MAP3K4: variants seen among roughly 807,000 people sequenced by gnomAD.
MAP3K4 encodes mitogen-activated protein kinase kinase kinase 4, also known as MAP three kinase 1.
In MAP3K4, 67 loss-of-function variants were observed where a neutral mutation model predicts 185.6. That is an observed-to-expected ratio of 0.36 (90% confidence interval 0.30 to 0.44). The LOEUF (loss-of-function observed/expected upper bound fraction) is 0.44. MAP3K4 is among the 20% of genes least tolerant of loss of function. The probability of loss-of-function intolerance (pLI) is 1.00; values close to 1 mark genes in which losing one functional copy is unlikely to be tolerated. For synonymous variants in MAP3K4, 702 were observed against 710.4 expected (o/e 0.99, Z 0.19); for missense variants, 1,551 against 1,995.1 (o/e 0.78, Z 4.24).
intron 7 of MAP3K4, among the ~76,000 whole-genome samples, chr6:161,085,008 G>A (rs544900135): frequency 5.9e-5 from 9 of 152,216 alleles, no homozygotes; most frequent in Non-Finnish European, 8.8e-5. Flanking sequence ...ACAGCTGGGC[G>A]TGGTGGCACG....
rs901027448 is a variant in MAP3K4, at chr6:161,051,119, A to G, written c.1707+1140A>G. 6.6e-5 allele frequency among the ~76,000 whole-genome samples: 10 copies of G among 152,376 alleles called. No homozygotes were observed. The East Asian group carries it at 1.2e-3, about 18-fold the overall frequency. On this transcript the variant is annotated intron_variant, in intron 3 of 26. Transcript: ENST00000392142. This position sits in a 1 kb window ranked among gnomAD's most constrained non-coding sequence, Gnocchi z 4.2. ...ATAATGGCAAGAAAAAAGTTTGTACATGTTTAATACAGATGTAGTTTTTCT... is the reference window on the plus strand; with the variant it reads ...ATAATGGCAAGAAAAAAGTTTGTACGTGTTTAATACAGATGTAGTTTTTCT...
At chr6:161,069,764 G>T (rs1784856295) in intron 3 of MAP3K4, among the ~76,000 whole-genome samples, 1 of 152,236 alleles carries the variant, frequency 6.6e-6, no homozygotes, top group South Asian at 2.1e-4. Flanking sequence ...TACTCTGATG[G>T]CAGGGAGTAG....
chr6:161,006,626 G>A (rs1390518708), intron 1 of MAP3K4, among the ~76,000 whole-genome samples: 3 of 152,184 alleles, frequency 2.0e-5, no homozygotes, highest in African/African-American at 4.8e-5. Flanking sequence ...ACTTATCTGC[G>A]AGCCAGTCAG....
Position 161,110,757 on chromosome 6 carries a change from T to TCACC in MAP3K4, c.4396+846_4396+849dup, listed in dbSNP as rs1309505933. Among the ~76,000 whole-genome samples, 1 of 152,180 alleles carries TCACC rather than the reference T, an allele frequency of 6.6e-6. No homozygotes were observed. The highest frequency in any genetic ancestry group is 1.5e-5 in the Non-Finnish European group (1 of 68,036). On this transcript the variant is annotated intron_variant, in intron 23 of 26. Coordinates refer to ENST00000392142, the MANE Select transcript of MAP3K4 (RefSeq NM_005922.4). The surrounding 1 kb of genome is among the most constrained non-coding windows in gnomAD (Gnocchi z 4.8). ...GCTCTGTAATGTGGCTCACCCTGAA[T>TCACC]CACCCAGCATACACCGGTCTCATTG...
rs56288506 is a variant in MAP3K4, at chr6:161,014,363, C to T, written c.153-19896C>T. Among the ~76,000 whole-genome samples, 999 of 152,230 alleles carry T rather than the reference C, an allele frequency of 6.6e-3. 10 individuals are homozygous for T. Among genetic ancestry groups the T allele is most frequent in the Middle Eastern group, 0.062 (18 of 292 alleles). ...AACCTGTCATAAAATCCTTATTTCC[C>T]CTTGTTTTAATGTAAGTAGGTTTGC... On this transcript the variant is annotated intron_variant, in intron 1 of 26. Coordinates refer to ENST00000392142, the MANE Select transcript of MAP3K4 (RefSeq NM_005922.4).
At position 161,093,160 on chromosome 6, in the gene MAP3K4, A is replaced by G. The variant is rs1777405287; in HGVS notation, c.3348+104A>G. On this transcript the variant is annotated intron_variant, in intron 14 of 26. Coordinates refer to ENST00000392142, the MANE Select transcript of MAP3K4 (RefSeq NM_005922.4). This position sits in a 1 kb window ranked among gnomAD's most constrained non-coding sequence, Gnocchi z 5.2. Reference sequence around the variant, plus strand: ...GTAATAGTGGTTTTTTTCATGAGATATTAATCTCAGCATATCATGTAATGA... The same window carrying G: ...GTAATAGTGGTTTTTTTCATGAGATGTTAATCTCAGCATATCATGTAATGA... The G allele has an allele frequency of 1.4e-6, 1 of 720,214 alleles. No individual in the cohort carries two copies. Among genetic ancestry groups the G allele is most frequent in the Admixed American group, 2.6e-5 (1 of 38,100 alleles). 44.6% of individuals were successfully genotyped at this position (720,214 alleles called of 1,614,324 possible). A position where few individuals can be genotyped will look rare whatever the true frequency, so the allele number is the denominator to read the frequency against.
At chr6:161,013,827 G>A (rs1781961081) in intron 1 of MAP3K4, among the ~76,000 whole-genome samples, 1 of 152,214 alleles carries the variant, frequency 6.6e-6, no homozygotes, top group African/African-American at 2.4e-5. Context: ...GGAAGGGGTA[G>A]TAACTGCTGG....
At chr6:160,998,469 G>A (rs1781108387) in intron 1 of MAP3K4, among the ~76,000 whole-genome samples, 1 of 152,140 alleles carries the variant, frequency 6.6e-6, no homozygotes, top group South Asian at 2.1e-4. Context: ...ACGTTGAATT[G>A]TTACTAAAAT....
rs1419496175 is a variant in MAP3K4, at chr6:161,026,403, G to T, written c.153-7856G>T. ...GCCCTCCTTGGCCTCCCAAAGTGCT[G>T]GGATTACAGGCATGAGCCACCGTGC... On this transcript the variant is annotated intron_variant, in intron 1 of 26. Transcript: ENST00000392142. 2.0e-5 allele frequency among the ~76,000 whole-genome samples: 3 copies of T among 151,890 alleles called. No homozygotes were observed. The East Asian group carries it at 5.8e-4, about 29-fold the overall frequency.
intron 1 of MAP3K4, among the ~76,000 whole-genome samples, chr6:161,028,617 A>G (rs1391482362): frequency 6.6e-6 from 1 of 152,050 alleles, no homozygotes; most frequent in Non-Finnish European, 1.5e-5. Context: ...CTCTTCAGTA[A>G]TTGTTGGGGA....
intron 19 of MAP3K4, among the ~76,000 whole-genome samples, chr6:161,105,659 G>A (rs937531388): frequency 6.6e-6 from 1 of 152,196 alleles, no homozygotes; most frequent in Non-Finnish European, 1.5e-5. Flanking sequence ...TTTAGGCAGA[G>A]GGAAAGGTGT....
At position 161,091,729 on chromosome 6, in the gene MAP3K4, T is replaced by C. The variant is rs996659084; in HGVS notation, c.3135+189T>C. 2.6e-5 allele frequency among the ~76,000 whole-genome samples: 4 copies of C among 152,202 alleles called. No homozygotes were observed. The highest frequency in any genetic ancestry group is 5.9e-5 in the Non-Finnish European group (4 of 68,024). On this transcript the variant is annotated intron_variant, in intron 12 of 26. Coordinates refer to ENST00000392142, the MANE Select transcript of MAP3K4 (RefSeq NM_005922.4). This position sits in a 1 kb window ranked among gnomAD's most constrained non-coding sequence, Gnocchi z 5.5. ...AAACTGTTAGGTAATTGTCCAACTTTTATTTTGTGCTAACAGCCATCTACT... is the reference window on the plus strand; with the variant it reads ...AAACTGTTAGGTAATTGTCCAACTTCTATTTTGTGCTAACAGCCATCTACT...
At chr6:161,044,656 G>T (rs547915332) in intron 2 of MAP3K4, among the ~76,000 whole-genome samples, 1 of 152,146 alleles carries the variant, frequency 6.6e-6, no homozygotes, top group Non-Finnish European at 1.5e-5. Flanking sequence ...TCCATTTTGC[G>T]TTGGCTATAA....
In MAP3K4 at chr6:160,992,052, G is replaced by T; in HGVS notation, c.121G>T (p.Glu41Ter). 1 of 1,585,024 alleles carries T rather than the reference G, an allele frequency of 6.3e-7. No individual in the cohort carries two copies. Among genetic ancestry groups the T allele is most frequent in the Non-Finnish European group, 8.5e-7 (1 of 1,171,196 alleles). ...PPPPPPEPETESEPECCLAAR... is the reference protein window; with the variant it reads ...PPPPPPEPET Reference sequence around the variant, plus strand: ...ACCACCGCCACCGGAACCCGAGACCGAGTCAGAACCCGAGTGCTGCTTGGC... The same window carrying T: ...ACCACCGCCACCGGAACCCGAGACCTAGTCAGAACCCGAGTGCTGCTTGGC... Residue 41 changes from glutamate (E) to a stop codon, truncating the protein, a stop_gained, in exon 1 of 27, where the codon GAG becomes TAG. Transcript: ENST00000392142. LOFTEE classifies it high-confidence loss of function.
At chr6:161,095,156 G>C (rs572790182) in intron 15 of MAP3K4, among the ~76,000 whole-genome samples, 1 of 152,070 alleles carries the variant, frequency 6.6e-6, no homozygotes, top group Non-Finnish European at 1.5e-5. Context: ...AATTAATAGC[G>C]CTCTCTGGAG....
Position 161,110,623 on chromosome 6 carries a change from C to T in MAP3K4, c.4396+709C>T, listed in dbSNP as rs1377075810. On this transcript the variant is annotated intron_variant, in intron 23 of 26. Coordinates refer to ENST00000392142, the MANE Select transcript of MAP3K4 (RefSeq NM_005922.4). The surrounding 1 kb of genome is among the most constrained non-coding windows in gnomAD (Gnocchi z 4.8). ...TCCTGTAGTCTGAGGCTAACCTAAACACATTAACTTAGGAACCGACCTGAC... is the reference window on the plus strand; with the variant it reads ...TCCTGTAGTCTGAGGCTAACCTAAATACATTAACTTAGGAACCGACCTGAC... Among the ~76,000 whole-genome samples the T allele has an allele frequency of 6.6e-6, 1 of 152,234 alleles. No homozygotes were observed. The highest frequency in any genetic ancestry group is 1.5e-5 in the Non-Finnish European group (1 of 68,038).
In MAP3K4 at chr6:161,067,317, T is replaced by G; in HGVS notation, c.1708-3291T>G. 2.5e-6 allele frequency: 1 copy of G among 400,312 alleles called. No individual in the cohort carries two copies. Among genetic ancestry groups the G allele is most frequent in the South Asian group, 1.9e-5 (1 of 53,178 alleles). The allele number at this position is 400,312 out of a possible 1,614,324, so 24.8% of individuals were successfully genotyped here. A position where few individuals can be genotyped will look rare whatever the true frequency, so the allele number is the denominator to read the frequency against. On this transcript the variant is annotated intron_variant, in intron 3 of 26. Coordinates refer to ENST00000392142, the MANE Select transcript of MAP3K4 (RefSeq NM_005922.4). This position sits in a 1 kb window ranked among gnomAD's most constrained non-coding sequence, Gnocchi z 6.3. ...CACAGGTAGGTAAGAGACAAAACGTTACATTTTTTTGAATTTCTGATTAGC... is the reference window on the plus strand; with the variant it reads ...CACAGGTAGGTAAGAGACAAAACGTGACATTTTTTTGAATTTCTGATTAGC...
intron 1 of MAP3K4, among the ~76,000 whole-genome samples, chr6:161,019,551 C>T (rs575233299): frequency 4.6e-5 from 7 of 152,278 alleles, no homozygotes; most frequent in East Asian, 1.9e-4. Context: ...GAATTACAGG[C>T]GTGTGCTACC....
chr6:161,109,928 C>G lies in MAP3K4; in HGVS notation c.4396+14C>G. The G allele has an allele frequency of 1.9e-6, 3 of 1,612,692 alleles. No individual in the cohort carries two copies. Among genetic ancestry groups the G allele is most frequent in the Non-Finnish European group, 2.5e-6 (3 of 1,179,522 alleles). Reference sequence around the variant, plus strand: ...GTGACATTAAAGGTAATCCCACACCCGCCTGGCTGCTGTGGGCCAGAGCCA... The same window carrying G: ...GTGACATTAAAGGTAATCCCACACCGGCCTGGCTGCTGTGGGCCAGAGCCA... On this transcript the variant is annotated intron_variant, in intron 23 of 26. Transcript: ENST00000392142. This position sits in a 1 kb window ranked among gnomAD's most constrained non-coding sequence, Gnocchi z 5.7.
Sources: allele counts gnomAD v4.1 joint callset (sites outside exome capture counted in the v4.1 genomes callset), GRCh38; gene constraint gnomAD v4.1.1; non-coding constraint Gnocchi (gnomAD v3.1); transcripts MANE v1.5; gene names NCBI Gene and HGNC (gene_info 2026-07-23, HGNC 2026-07-21).